Variants in KLF8 observed in about 807,000 individuals in gnomAD.
KLF8 encodes Krueppel-like factor 8.
A neutral mutation model predicts 18.2 loss-of-function variants in KLF8; 10 were observed. That is an observed-to-expected ratio of 0.55 (90% CI 0.34 to 0.93). The LOEUF (loss-of-function observed/expected upper bound fraction) is 0.93, where lower values mean the gene tolerates loss of function less well. Ranked by LOEUF, KLF8 falls within the 40% of genes least tolerant of loss-of-function variation. KLF8 has a pLI of 0.02. For missense variants in KLF8, 264 were observed against 277.9 expected, an observed-to-expected ratio of 0.95 and a Z score of 0.36; for synonymous variants, 109 against 97.3, an observed-to-expected ratio of 1.12 and a Z score of -0.71.
At chrX:56,092,508 A>G in the KLF8 span, among the ~76,000 whole-genome samples, 4 of 111,058 alleles carry the variant, frequency 3.6e-5, no homozygotes, top group African/African-American at 6.5e-5. Flanking sequence ...TATGCATGTG[A>G]CTATCCAACT....
chrX:55,999,984 A>G, the KLF8 span, among the ~76,000 whole-genome samples: 1 of 111,862 alleles, frequency 8.9e-6, no homozygotes, highest in East Asian at 2.8e-4. Context: ...TGGGTTTGTC[A>G]TATATGACCT....
the KLF8 span, among the ~76,000 whole-genome samples, chrX:56,169,826 C>G: frequency 1.8e-5 from 2 of 111,319 alleles, no homozygotes; most frequent in African/African-American, 6.5e-5. Flanking sequence ...TTGTAATGCC[C>G]CAGGGCCTTT....
the KLF8 span, among the ~76,000 whole-genome samples, chrX:56,174,311 G>C: frequency 1.8e-5 from 2 of 112,014 alleles, no homozygotes; most frequent in East Asian, 5.6e-4. Context: ...ATGAAGCATT[G>C]TTGAATTTTG....
At chrX:56,095,591 TCAAA>T in the KLF8 span, among the ~76,000 whole-genome samples, 3 of 110,270 alleles carry the variant, frequency 2.7e-5, no homozygotes, top group Non-Finnish European at 3.8e-5. Flanking sequence ...TACAAGGAAC[TCAAA>T]CAAGACAACA....
At chrX:56,251,832 G>T (rs2066718823) in intron 2 of KLF8, among the ~76,000 whole-genome samples, 1 of 111,086 alleles carries the variant, frequency 9.0e-6, no homozygotes, top group Admixed American at 9.6e-5. Context: ...TTTCATACAG[G>T]CATGCAATGT....
intron 5 of KLF8, among the ~76,000 whole-genome samples, chrX:56,279,093 C>A (rs2067162373): frequency 8.9e-6 from 1 of 111,735 alleles, no homozygotes; most frequent in African/African-American, 3.3e-5. Context: ...TTCAGTGCTT[C>A]TTTTAACAAT....
the KLF8 span, among the ~76,000 whole-genome samples, chrX:56,184,724 C>T: frequency 1.2e-4 from 13 of 111,843 alleles, no homozygotes; most frequent in South Asian, 3.8e-4. Flanking sequence ...CATGAAATTC[C>T]GCTGTTCTGC....
At chrX:55,980,694 A>G in the KLF8 span, among the ~76,000 whole-genome samples, 2 of 112,014 alleles carry the variant, frequency 1.8e-5, no homozygotes, top group Non-Finnish European at 3.8e-5. Context: ...GGTTAAATCA[A>G]TTGTCCCTAA....
the KLF8 span, among the ~76,000 whole-genome samples, chrX:56,040,827 T>G: frequency 3.4e-5 from 2 of 59,571 alleles, no homozygotes; most frequent in African/African-American, 1.8e-4. Flanking sequence ...TTTTTTTTTT[T>G]TTTTTTTTTT....
chrX:55,994,366 A>G, the KLF8 span, among the ~76,000 whole-genome samples: 2 of 110,721 alleles, frequency 1.8e-5, no homozygotes, highest in Non-Finnish European at 1.9e-5. Context: ...ATTATTTCAA[A>G]AAAACAACTT....
chrX:55,953,601 G>A, the KLF8 span, among the ~76,000 whole-genome samples: 1 of 111,375 alleles, frequency 9.0e-6, no homozygotes, highest in Non-Finnish European at 1.9e-5. Flanking sequence ...TTAATAGATA[G>A]TGTGGTACTT....
the KLF8 span, among the ~76,000 whole-genome samples, chrX:56,146,805 T>C: frequency 5.4e-5 from 6 of 112,053 alleles, no homozygotes; most frequent in African/African-American, 1.6e-4. Context: ...AATTTTTCAG[T>C]GTTCAAAACA....
At chrX:56,082,652 C>A in the KLF8 span, among the ~76,000 whole-genome samples, 5 of 110,906 alleles carry the variant, frequency 4.5e-5, no homozygotes, top group African/African-American at 1.6e-4. Context: ...TTCTGTTTTG[C>A]TTCCTCAGAA....
At chrX:56,148,286 A>G in the KLF8 span, among the ~76,000 whole-genome samples, 7 of 111,605 alleles carry the variant, frequency 6.3e-5, no homozygotes, top group East Asian at 2.0e-3. Context: ...AATTCTTCCA[A>G]TTATTCTTCC....
chrX:56,172,715 C>A, the KLF8 span, among the ~76,000 whole-genome samples: 2 of 111,959 alleles, frequency 1.8e-5, no homozygotes, highest in African/African-American at 6.5e-5. Context: ...AGTTTCCAGT[C>A]CCGCCAACAG....
intron 1 of KLF8, chrX:56,243,504 C>CT (rs1253669224): frequency 9.8e-6 from 1 of 101,883 alleles, no homozygotes; most frequent in Non-Finnish European, 1.9e-5. Flanking sequence ...CACTCTCCAG[C>CT]TTTTGTGTAT....
At chrX:56,015,465 C>A in the KLF8 span, among the ~76,000 whole-genome samples, 2 of 112,277 alleles carry the variant, frequency 1.8e-5, no homozygotes, top group African/African-American at 6.5e-5. Flanking sequence ...TGAGGCTGAA[C>A]ATCTTTTCAT....
the KLF8 span, among the ~76,000 whole-genome samples, chrX:55,970,392 C>A: frequency 9.0e-6 from 1 of 110,771 alleles, no homozygotes; most frequent in South Asian, 3.7e-4. Flanking sequence ...ATTATAAAAA[C>A]CCTCAACAAA....
At chrX:56,234,986 C>G (rs940718843) in intron 1 of KLF8, among the ~76,000 whole-genome samples, 2 of 111,679 alleles carry the variant, frequency 1.8e-5, no homozygotes, top group Non-Finnish European at 3.8e-5. Context: ...CTTCAGAGCC[C>G]TCAGGAGCTA....
Sources: gnomAD v4.1 joint callset for allele counts (sites outside exome capture counted in the v4.1 genomes callset) on GRCh38, gnomAD v4.1.1 for gene constraint, MANE v1.5 for transcripts, NCBI Gene and HGNC (gene_info 2026-07-23, HGNC 2026-07-21) for gene names.